Variants in ASAP1 observed in about 807,000 individuals in gnomAD.
The protein encoded by ASAP1 is arf-GAP with SH3 domain, ANK repeat and PH domain-containing protein 1.
Under a neutral mutation model 145.2 loss-of-function variants are expected in ASAP1, and 43 were observed. The observed-to-expected ratio is 0.30, with a 90% CI of 0.23 to 0.38. The LOEUF (loss-of-function observed/expected upper bound fraction) is 0.38. ASAP1 is among the 10% of genes least tolerant of loss of function. ASAP1 has a pLI of 1.00. For synonymous variants in ASAP1, 546 were observed against 515.5 expected (o/e 1.06, Z -0.80); for missense variants, 1,018 against 1,355.3 (o/e 0.75, Z 3.91).
chr8:130,063,777 C>T (rs2097424320), intron 27 of ASAP1, among the ~76,000 whole-genome samples: 2 of 152,268 alleles, frequency 1.3e-5, no homozygotes, highest in Admixed American at 6.5e-5. Flanking sequence ...AAAGGGTTAC[C>T]ATTCCACCCC....
intron 17 of ASAP1, 34 bp downstream of exon 17, chr8:130,125,922 A>T: frequency 2.5e-6 from 4 of 1,579,660 alleles, no homozygotes; most frequent in Non-Finnish European, 3.4e-6. Context: ...CATGACAATA[A>T]TATCATTCTT....
chr8:130,092,429 C>A (rs1227670442), intron 24 of ASAP1, among the ~76,000 whole-genome samples: 1 of 152,002 alleles, frequency 6.6e-6, no homozygotes, highest in Non-Finnish European at 1.5e-5. Flanking sequence ...GAGTTTGAGA[C>A]CAGCCTGGGT....
intron 1 of ASAP1, among the ~76,000 whole-genome samples, chr8:130,428,116 A>G (rs934458020): frequency 1.3e-5 from 2 of 152,008 alleles, no homozygotes; most frequent in African/African-American, 4.8e-5. Flanking sequence ...AACTTTGGGG[A>G]TTCCCTTTTC....
chr8:130,297,556 C>T (rs1354912974), intron 3 of ASAP1, among the ~76,000 whole-genome samples: 3 of 152,208 alleles, frequency 2.0e-5, no homozygotes, highest in East Asian at 3.8e-4. Flanking sequence ...GCCCAGGCTT[C>T]CACCTGCTGG....
At position 130,234,022 on chromosome 8, in the gene ASAP1, G is replaced by A. The variant is rs370686530; in HGVS notation, c.259+2900C>T. Among the ~76,000 whole-genome samples, 3 of 152,200 alleles carry A rather than the reference G, an allele frequency of 2.0e-5. No homozygotes were observed. The South Asian group carries it at 6.2e-4, about 32-fold the overall frequency. On this transcript the variant is annotated intron_variant, in intron 4 of 29. Coordinates refer to ENST00000518721, the MANE Select transcript of ASAP1 (RefSeq NM_018482.4). ...AGGCTCTACTCTGGAACAATTCGAGGGTAAGGGTCTGAGAGATTCCTGTTT... is the reference window on the plus strand; with the variant it reads ...AGGCTCTACTCTGGAACAATTCGAGAGTAAGGGTCTGAGAGATTCCTGTTT...
At chr8:130,140,253 C>T (rs913493250) in intron 13 of ASAP1, among the ~76,000 whole-genome samples, 5 of 151,792 alleles carry the variant, frequency 3.3e-5, no homozygotes, top group Non-Finnish European at 5.9e-5. Flanking sequence ...GTTGCCCAGG[C>T]TGCTCTTAAA....
intron 15 of ASAP1, among the ~76,000 whole-genome samples, chr8:130,130,468 AT>A (rs2097581294): frequency 6.6e-6 from 1 of 152,240 alleles, no homozygotes; most frequent in African/African-American, 2.4e-5. Flanking sequence ...AATAATTCAA[AT>A]TTGGTGGAAT....
At chr8:130,056,944 T>G (rs1342342390) in intron 29 of ASAP1, among the ~76,000 whole-genome samples, 1 of 152,236 alleles carries the variant, frequency 6.6e-6, no homozygotes, top group African/African-American at 2.4e-5. Flanking sequence ...AATAGATGTG[T>G]GGACTGCCCT....
At chr8:130,277,491 T>C (rs932465692) in intron 3 of ASAP1, among the ~76,000 whole-genome samples, 6 of 152,110 alleles carry the variant, frequency 3.9e-5, no homozygotes, top group African/African-American at 1.4e-4. Flanking sequence ...ATGAAAAATG[T>C]TTAGACAATC....
chr8:130,378,578 G>A (rs772894179), intron 2 of ASAP1, among the ~76,000 whole-genome samples: 3 of 152,184 alleles, frequency 2.0e-5, no homozygotes, highest in Admixed American at 6.5e-5. Flanking sequence ...GAGGTCAGAC[G>A]GGTAGGCAAG....
chr8:130,214,175 C>T (rs929209317), intron 5 of ASAP1, among the ~76,000 whole-genome samples: 2 of 152,074 alleles, frequency 1.3e-5, no homozygotes, highest in Admixed American at 6.5e-5. Flanking sequence ...ATGTTCGACA[C>T]AGAAATCATC....
Position 130,334,274 on chromosome 8 carries a change from T to C in ASAP1, c.186+23743A>G, listed in dbSNP as rs149860432. ...TTTCAGGTAACAACAACAACAAAAA[T>C]ATCAAGCACATCAAATATGTTCCTT... On this transcript the variant is annotated intron_variant, in intron 3 of 29. Transcript: ENST00000518721. Among the ~76,000 whole-genome samples, 99 of 152,226 alleles carry C rather than the reference T, an allele frequency of 6.5e-4. No individual in the cohort carries two copies. The East Asian group carries it at 0.014, about 22-fold the overall frequency.
intron 13 of ASAP1, among the ~76,000 whole-genome samples, chr8:130,147,198 CAAAAAAAA>C (rs559149769): frequency 3.2e-5 from 2 of 63,338 alleles, no homozygotes; most frequent in African/African-American, 6.7e-5. Context: ...AATGCAGTCT[CAAAAAAAA>C]AAAAAAAAAA....
At chr8:130,356,767 T>G (rs916168405) in intron 3 of ASAP1, among the ~76,000 whole-genome samples, 1 of 152,184 alleles carries the variant, frequency 6.6e-6, no homozygotes. Flanking sequence ...GGGATCCCTC[T>G]ACTTCTGAAT....
intron 3 of ASAP1, among the ~76,000 whole-genome samples, chr8:130,278,909 G>GT (rs1345230278): frequency 6.6e-6 from 1 of 152,144 alleles, no homozygotes; most frequent in Non-Finnish European, 1.5e-5. Context: ...TGTTAGGCAT[G>GT]TTTACAAAGC....
At chr8:130,328,858 G>A (rs945020860) in intron 3 of ASAP1, among the ~76,000 whole-genome samples, 1 of 152,000 alleles carries the variant, frequency 6.6e-6, no homozygotes, top group African/African-American at 2.4e-5. Context: ...TCAAACTTCT[G>A]GCCTCAAGCA....
intron 4 of ASAP1, among the ~76,000 whole-genome samples, chr8:130,234,536 G>A (rs1294462512): frequency 6.6e-6 from 1 of 152,118 alleles, no homozygotes; most frequent in Non-Finnish European, 1.5e-5. Context: ...TCTCCCTTCT[G>A]TCATACCCAT....
intron 1 of ASAP1, among the ~76,000 whole-genome samples, chr8:130,423,233 A>G (rs1450916795): frequency 1.3e-5 from 2 of 152,194 alleles, no homozygotes; most frequent in Non-Finnish European, 2.9e-5. Flanking sequence ...CCACCTGCAT[A>G]GCTGGGAAAT....
chr8:130,280,669 A>T (rs1821195335), intron 3 of ASAP1, among the ~76,000 whole-genome samples: 1 of 152,246 alleles, frequency 6.6e-6, no homozygotes, highest in Non-Finnish European at 1.5e-5. Context: ...TCTATTAGAG[A>T]GTGAAAATTT....
Sources: allele counts gnomAD v4.1 joint callset (sites outside exome capture counted in the v4.1 genomes callset), GRCh38; gene constraint gnomAD v4.1.1; transcripts MANE v1.5; gene names NCBI Gene and HGNC (gene_info 2026-07-23, HGNC 2026-07-21).